SPOCK2: variants seen among roughly 807,000 people sequenced by gnomAD.
SPOCK2 encodes SPARC (osteonectin), cwcv and kazal like domains proteoglycan 2, also known as testican-2.
In SPOCK2, 39 loss-of-function variants were observed where a neutral mutation model predicts 60.1. The observed-to-expected ratio is 0.65, with a 90% confidence interval of 0.50 to 0.85. SPOCK2 has a LOEUF of 0.85. SPOCK2 is among the 40% of genes least tolerant of loss of function. The probability of loss-of-function intolerance (pLI) is 0.00; values close to 1 mark genes in which losing one functional copy is unlikely to be tolerated. For missense variants in SPOCK2, 523 were observed against 567.4 expected, an observed-to-expected ratio of 0.92 and a Z score of 0.80; for synonymous variants, 217 against 231.5, an observed-to-expected ratio of 0.94 and a Z score of 0.57.
chr10:72,065,544 C>T (rs938630559), intron 8 of SPOCK2, among the ~76,000 whole-genome samples: 1 of 152,230 alleles, frequency 6.6e-6, no homozygotes, highest in African/African-American at 2.4e-5. Context: ...GAATGTATCC[C>T]CCTCGTCAAG....
rs1375853283 is a variant in SPOCK2, at chr10:72,088,306, C to T, written c.23G>A (p.Arg8Gln). 3.1e-6 allele frequency: 5 copies of T among 1,588,604 alleles called. No individual in the cohort carries two copies. Among genetic ancestry groups the T allele is most frequent in the Admixed American group, 1.8e-5 (1 of 55,438 alleles). The change falls in exon 1 of 11, where the codon CGG becomes CAG. Residue 8 changes from arginine (R) to glutamine (Q), a missense_variant. Arg to Gln is a conservative substitution (Grantham distance 43). Transcript: ENST00000373109. MRAPGCG[R>Q]LVLPLLLLAA... ...CAGGAGCAGCAGCGGCAGCACCAGCCGCCCGCAGCCCGGGGCGCGCATCGT... is the reference window on the plus strand; with the variant it reads ...CAGGAGCAGCAGCGGCAGCACCAGCTGCCCGCAGCCCGGGGCGCGCATCGT...
intron 1 of SPOCK2, among the ~76,000 whole-genome samples, chr10:72,075,493 G>T (rs1261288180): frequency 4.6e-5 from 7 of 152,218 alleles, no homozygotes; most frequent in African/African-American, 9.7e-5. Context: ...GCCCAACCCT[G>T]CTGCCTTAAC....
Position 72,067,078 on chromosome 10 carries a change from C to T in SPOCK2, c.752G>A (p.Gly251Asp). ...GGTGTCCAGCTTGGAGAACATCCAG[C>T]CAATGGAGTCCTTGCAGCTGGCCCC... ...SLGASCKDSI[G>D]WMFSKLDTSA... Residue 251 changes from glycine to aspartate, a missense_variant, in exon 8 of 11, where the codon GGC becomes GAC. Gly to Asp is a moderately conservative substitution (Grantham distance 94, BLOSUM62 -1). Transcript: ENST00000373109. The T allele has an allele frequency of 6.2e-7, 1 of 1,614,190 alleles. No individual in the cohort carries two copies. Among genetic ancestry groups the T allele is most frequent in the South Asian group, 1.1e-5 (1 of 91,090 alleles).
At chr10:72,078,143 C>T (rs2131819991) in intron 1 of SPOCK2, among the ~76,000 whole-genome samples, 1 of 152,298 alleles carries the variant, frequency 6.6e-6, no homozygotes, top group Admixed American at 6.5e-5. Context: ...CTGCTTTTCT[C>T]CAACTTTCCC....
intron 3 of SPOCK2, 60 bp from the exon 4 acceptor site, chr10:72,072,318 C>G (rs899879090): frequency 6.9e-7 from 1 of 1,458,458 alleles, no homozygotes. Flanking sequence ...CCTCCAGCCC[C>G]ACTTCTGAGC....
At chr10:72,073,769 G>A (rs1473706326) in intron 1 of SPOCK2, among the ~76,000 whole-genome samples, 1 of 152,230 alleles carries the variant, frequency 6.6e-6, no homozygotes, top group Non-Finnish European at 1.5e-5. Flanking sequence ...ACCGCAGAGT[G>A]GCCAGAGGCA....
intron 1 of SPOCK2, among the ~76,000 whole-genome samples, chr10:72,074,708 G>A (rs576139392): frequency 2.1e-4 from 32 of 152,306 alleles, no homozygotes; most frequent in Non-Finnish European, 3.5e-4. Flanking sequence ...AGCAGGAGTC[G>A]GGAAGGATGG....
intron 1 of SPOCK2, among the ~76,000 whole-genome samples, chr10:72,079,939 C>T (rs1202020185): frequency 6.6e-6 from 1 of 152,030 alleles, no homozygotes; most frequent in Non-Finnish European, 1.5e-5. Flanking sequence ...TAAGGATGAC[C>T]CCCTTGCCTT....
upstream of SPOCK2, chr10:72,088,551 CAG>C: frequency 5.9e-6 from 3 of 509,804 alleles, no homozygotes; most frequent in Non-Finnish European, 1.0e-5. Flanking sequence ...GAGAGAGAAT[CAG>C]AGAGGCTGCG....
At chr10:72,074,644 G>A (rs1255514992) in intron 1 of SPOCK2, among the ~76,000 whole-genome samples, 2 of 152,182 alleles carry the variant, frequency 1.3e-5, no homozygotes, top group East Asian at 1.9e-4. Flanking sequence ...TTTCACACTC[G>A]AGGCTCTCCC....
intron 9 of SPOCK2, 34 bp from the exon 10 acceptor site, chr10:72,063,196 G>C (rs1329890727): frequency 6.4e-7 from 1 of 1,552,872 alleles, no homozygotes; most frequent in Non-Finnish European, 8.7e-7. Context: ...GGTCAGAGCA[G>C]GGGCCCAGGC....
intron 1 of SPOCK2, among the ~76,000 whole-genome samples, chr10:72,077,578 C>T (rs1840729472): frequency 6.6e-6 from 1 of 152,230 alleles, no homozygotes; most frequent in South Asian, 2.1e-4. Context: ...CCTCAGGTCC[C>T]TCCCGCTCTG....
chr10:72,082,237 C>T (rs894121334), intron 1 of SPOCK2, among the ~76,000 whole-genome samples: 6 of 152,200 alleles, frequency 3.9e-5, no homozygotes, highest in Non-Finnish European at 8.8e-5. Context: ...AGCCCTTGGG[C>T]GGTCAGAGGC....
Position 72,062,605 on chromosome 10 carries a change from TG to T in SPOCK2, c.*154del. 5 of 1,399,080 alleles carry T rather than the reference TG, an allele frequency of 3.6e-6. No individual in the cohort carries two copies. In the South Asian group the frequency reaches 7.0e-5, roughly 20 times the overall value. The allele number at this position is 1,399,080 out of a possible 1,614,324, so 86.7% of individuals were successfully genotyped here. A position where few individuals can be genotyped will look rare whatever the true frequency, so the allele number is the denominator to read the frequency against. ...CACACTGTCACCCGTCCCAGCCATC[TG>T]TGCCACACACATGCCATGCACACTC... is the stretch of plus-strand genomic sequence containing the variant. On this transcript the variant is annotated 3_prime_UTR_variant, in exon 11 of 11. Transcript: ENST00000373109. The surrounding 1 kb of genome is among the most constrained non-coding windows in gnomAD (Gnocchi z 4.3).
chr10:72,059,199 G>A lies in SPOCK2; in HGVS notation c.*3561C>T, dbSNP rs1840460860. 6.5e-6 allele frequency: 1 copy of A among 152,766 alleles called. No homozygotes were observed. The highest frequency in any genetic ancestry group is 2.4e-5 in the African/African-American group (1 of 41,416). The allele number at this position is 152,766 out of a possible 1,614,324, so 9.5% of individuals were successfully genotyped here. A position where few individuals can be genotyped will look rare whatever the true frequency, so the allele number is the denominator to read the frequency against. On this transcript the variant is annotated 3_prime_UTR_variant, in exon 11 of 11. Coordinates refer to ENST00000373109, the MANE Select transcript of SPOCK2 (RefSeq NM_001244950.2). ...CGGGGCGGGACGTGAGAGGATGGGG[G>A]CGCAGGGGAAAGGCAGGGCTGGATG...
intron 6 of SPOCK2, 63 bp downstream of exon 6, chr10:72,068,124 C>T (rs1840596208): frequency 1.3e-6 from 2 of 1,531,356 alleles, no homozygotes; most frequent in Admixed American, 1.9e-5. Context: ...ACCCTAGAGC[C>T]CTGAAGGAGG....
chr10:72,086,992 C>G (rs1008039122), intron 1 of SPOCK2: 7 of 1,551,360 alleles, frequency 4.5e-6, no homozygotes, highest in Admixed American at 2.0e-5. Flanking sequence ...GACGAGGGAA[C>G]CTGGGGAAGG....
At chr10:72,082,470 G>A (rs1317799633) in intron 1 of SPOCK2, among the ~76,000 whole-genome samples, 3 of 152,186 alleles carry the variant, frequency 2.0e-5, no homozygotes, top group Non-Finnish European at 4.4e-5. Context: ...GACCTCCAAT[G>A]GGAGTCGATT....
At chr10:72,080,380 G>C (rs747488137) in intron 1 of SPOCK2, among the ~76,000 whole-genome samples, 1 of 152,242 alleles carries the variant, frequency 6.6e-6, no homozygotes, top group African/African-American at 2.4e-5. Context: ...AACGGGGCCT[G>C]TGATGGAGGC....
Sources: gnomAD v4.1 joint callset for allele counts (sites outside exome capture counted in the v4.1 genomes callset) on GRCh38, gnomAD v4.1.1 for gene constraint, Gnocchi (gnomAD v3.1) non-coding constraint, MANE v1.5 for transcripts, NCBI Gene and HGNC (gene_info 2026-07-23, HGNC 2026-07-21) for gene names.